The following PCSK5 variants were observed in gnomAD, a reference collection of about 807,000 sequenced individuals.
PCSK5 encodes the protein proprotein convertase subtilisin/kexin type 5.
A neutral mutation model predicts 233.2 loss-of-function variants in PCSK5; 129 were observed. That is an observed-to-expected ratio of 0.55 (90% CI 0.48 to 0.64). PCSK5 has a LOEUF of 0.64. PCSK5 is among the 30% of genes least tolerant of loss of function. The pLI, the probability that PCSK5 is intolerant of heterozygous loss-of-function variation, is 0.00. For missense variants in PCSK5, 2,076 were observed against 2,430.1 expected (o/e 0.85, Z 3.06); for synonymous variants, 825 against 879.2 (o/e 0.94, Z 1.09).
At chr9:76,108,708 G>C (rs748302833) in intron 9 of PCSK5, among the ~76,000 whole-genome samples, 13 of 152,102 alleles carry the variant, frequency 8.5e-5, no homozygotes, top group Non-Finnish European at 1.8e-4. Flanking sequence ...AGCCGAGATC[G>C]CCCCACTGCA....
chr9:76,147,887 C>T (rs1587687077), intron 10 of PCSK5, among the ~76,000 whole-genome samples: 1 of 152,228 alleles, frequency 6.6e-6, no homozygotes, highest in Middle Eastern at 3.4e-3. Context: ...TCAATTGGAC[C>T]ATGACCCTAT....
intron 35 of PCSK5, among the ~76,000 whole-genome samples, chr9:76,347,043 T>C (rs1036177229): frequency 2.6e-5 from 4 of 151,976 alleles, no homozygotes; most frequent in Non-Finnish European, 5.9e-5. Flanking sequence ...CCTAACTTTT[T>C]ACTTATCCTC....
chr9:75,962,903 G>A (rs914665781), intron 2 of PCSK5, among the ~76,000 whole-genome samples: 1 of 152,164 alleles, frequency 6.6e-6, no homozygotes, highest in Non-Finnish European at 1.5e-5. Flanking sequence ...GTGTGTGTTG[G>A]TTAATCGCAT....
chr9:75,916,374 A>T (rs1315556111), intron 1 of PCSK5, among the ~76,000 whole-genome samples: 1 of 152,162 alleles, frequency 6.6e-6, no homozygotes, highest in East Asian at 1.9e-4. Flanking sequence ...ATTATAACTT[A>T]TTCATTCTGT....
chr9:75,961,933 T>G (rs188146066), intron 2 of PCSK5, among the ~76,000 whole-genome samples: 7 of 152,364 alleles, frequency 4.6e-5, no homozygotes, highest in African/African-American at 1.7e-4. Flanking sequence ...ATTCTGGTAT[T>G]GATTATCTGC....
In PCSK5 at chr9:75,936,533, G is replaced by T. The variant is rs149710584; in HGVS notation, c.297+4050G>T. Reference sequence around the variant, plus strand: ...TTCACCAGTAGATCCCGCTTTCTTTGCTTAACCATAGGAAGCAATTCCTTA... The same window carrying T: ...TTCACCAGTAGATCCCGCTTTCTTTTCTTAACCATAGGAAGCAATTCCTTA... On this transcript the variant is annotated intron_variant, in intron 2 of 37. Coordinates refer to ENST00000674117, the MANE Select transcript of PCSK5 (RefSeq NM_001372043.1). Among the ~76,000 whole-genome samples the T allele has an allele frequency of 1.8e-3, 275 of 152,272 alleles. 1 individual carries two copies. The highest frequency in any genetic ancestry group is 3.0e-3 in the Non-Finnish European group (204 of 68,016).
At chr9:76,343,418 A>G (rs1450347683) in intron 35 of PCSK5, among the ~76,000 whole-genome samples, 1 of 150,482 alleles carries the variant, frequency 6.6e-6, no homozygotes, top group African/African-American at 2.5e-5. Context: ...GGCCAGGCTG[A>G]TCTTGAACTC....
intron 24 of PCSK5, among the ~76,000 whole-genome samples, chr9:76,243,980 T>C (rs1826505168): frequency 6.6e-6 from 1 of 152,216 alleles, no homozygotes; most frequent in Non-Finnish European, 1.5e-5. Context: ...TTCCAGCACT[T>C]TGAAAGGCCA....
At chr9:76,258,643 A>G (rs1452718316) in intron 24 of PCSK5, among the ~76,000 whole-genome samples, 1 of 152,228 alleles carries the variant, frequency 6.6e-6, no homozygotes. Flanking sequence ...AGAACCATTT[A>G]TAATAGTGAT....
chr9:75,932,850 A>G (rs908267612), intron 2 of PCSK5, among the ~76,000 whole-genome samples: 1 of 152,124 alleles, frequency 6.6e-6, no homozygotes, highest in African/African-American at 2.4e-5. Context: ...TGAGCTCCAC[A>G]AAAGGAGGGG....
intron 9 of PCSK5, among the ~76,000 whole-genome samples, chr9:76,131,338 A>G (rs904416528): frequency 2.6e-5 from 4 of 152,168 alleles, no homozygotes; most frequent in African/African-American, 7.2e-5. Context: ...CCACAGATAG[A>G]AACACTACTG....
intron 10 of PCSK5, among the ~76,000 whole-genome samples, chr9:76,140,827 C>T (rs1296287417): frequency 6.6e-6 from 1 of 152,054 alleles, no homozygotes; most frequent in African/African-American, 2.4e-5. Context: ...AGCCTATCAA[C>T]AGCCTATCAA....
chr9:76,027,037 A>T lies in PCSK5; in HGVS notation c.632A>T (p.Lys211Met). The T allele has an allele frequency of 6.2e-7, 1 of 1,603,496 alleles. No individual in the cohort carries two copies. The highest frequency in any genetic ancestry group is 8.5e-7 in the Non-Finnish European group (1 of 1,172,882). ...CGTTATGATGCAAGCAACGAGAACAAGTAAGGCCCAAGTGAGGGGTGGCTG... is the reference window on the plus strand; with the variant it reads ...CGTTATGATGCAAGCAACGAGAACATGTAAGGCCCAAGTGAGGGGTGGCTG... ...MPRYDASNEN[K>M]HGTRCAGEVA... Residue 211 changes from lysine to methionine, a missense_variant and splice_region_variant, in exon 5 of 38, where the codon AAG becomes ATG. Physicochemically the swap from Lys to Met is moderately conservative, Grantham distance 95. Transcript: ENST00000674117.
intron 27 of PCSK5, among the ~76,000 whole-genome samples, chr9:76,298,103 G>A (rs574581291): frequency 6.6e-6 from 1 of 152,270 alleles, no homozygotes; most frequent in South Asian, 2.1e-4. Flanking sequence ...AAATGGTCTG[G>A]TGCTGTGTTT....
At chr9:76,308,026 G>C (rs527562868) in intron 28 of PCSK5, among the ~76,000 whole-genome samples, 1 of 151,804 alleles carries the variant, frequency 6.6e-6, no homozygotes, top group Non-Finnish European at 1.5e-5. Context: ...GCAAAACCCC[G>C]TCTCTACTAA....
intron 2 of PCSK5, among the ~76,000 whole-genome samples, chr9:75,954,972 T>C (rs936270137): frequency 1.4e-4 from 22 of 152,210 alleles, no homozygotes; most frequent in African/African-American, 5.3e-4. Flanking sequence ...CCTTTAAAAA[T>C]AATTTGGAAA....
chr9:76,222,686 TTA>T (rs1210116705), intron 20 of PCSK5, among the ~76,000 whole-genome samples: 1 of 152,218 alleles, frequency 6.6e-6, no homozygotes, highest in Admixed American at 6.5e-5. Flanking sequence ...TCCTTTCTTT[TTA>T]AGGCTGAATG....
Position 76,345,532 on chromosome 9 carries a change from A to C in PCSK5, c.4967-5296A>C, listed in dbSNP as rs190979720. Among the ~76,000 whole-genome samples, 1,284 of 149,752 alleles carry C rather than the reference A, an allele frequency of 8.6e-3. 14 individuals are homozygous for C. The highest frequency in any genetic ancestry group is 0.03 in the African/African-American group (1,225 of 40,664). On this transcript the variant is annotated intron_variant, in intron 35 of 37. Coordinates refer to ENST00000674117, the MANE Select transcript of PCSK5 (RefSeq NM_001372043.1). ...CTCCCGGGTTCACGCTATTCTCCTG[A>C]CTCAGCCTCCTGAGTAGCTGGGACT...
At chr9:75,903,511 A>C (rs1826130907) in intron 1 of PCSK5, among the ~76,000 whole-genome samples, 1 of 148,594 alleles carries the variant, frequency 6.7e-6, no homozygotes, top group Non-Finnish European at 1.5e-5. Flanking sequence ...CAGTATAACA[A>C]ACTGTTTATA....
Sources: gnomAD v4.1 joint callset for allele counts (sites outside exome capture counted in the v4.1 genomes callset) on GRCh38, gnomAD v4.1.1 for gene constraint, MANE v1.5 for transcripts, NCBI Gene and HGNC (gene_info 2026-07-23, HGNC 2026-07-21) for gene names.